Variants in WIPF3 observed in about 807,000 individuals in gnomAD.
The protein encoded by WIPF3 is WAS/WASL-interacting protein family member 3.
In WIPF3, 33 loss-of-function variants were observed where a neutral mutation model predicts 38.9. That is an observed-to-expected ratio of 0.85 (90% CI 0.64 to 1.14). The LOEUF (loss-of-function observed/expected upper bound fraction) is 1.14, where lower values mean the gene tolerates loss of function less well. WIPF3 is among the 50% of genes most tolerant of loss of function. The pLI is 0.00. For missense variants in WIPF3, 711 were observed against 652.5 expected, an observed-to-expected ratio of 1.09 and a Z score of -0.98; for synonymous variants, 324 against 269.3, an observed-to-expected ratio of 1.20 and a Z score of -1.99.
In WIPF3 at chr7:29,915,382, C is replaced by T. The variant is rs928444020; in HGVS notation, c.*866C>T. 2.0e-5 allele frequency: 3 copies of T among 152,178 alleles called. No individual in the cohort carries two copies. Among genetic ancestry groups the T allele is most frequent in the Non-Finnish European group, 4.4e-5 (3 of 68,028 alleles). 9.4% of individuals were successfully genotyped at this position (152,178 alleles called of 1,614,324 possible). A position where few individuals can be genotyped will look rare whatever the true frequency, so the allele number is the denominator to read the frequency against. On this transcript the variant is annotated 3_prime_UTR_variant, in exon 9 of 9. Transcript: ENST00000242140. ...CATTATGCTAAACTACCAGTTGTAT[C>T]TCAGAGGTCTCCCCTTCTGCCCTTG...
chr7:29,879,979 T>C (rs1785682801), intron 4 of WIPF3, among the ~76,000 whole-genome samples: 2 of 152,304 alleles, frequency 1.3e-5, no homozygotes, highest in South Asian at 4.1e-4. Flanking sequence ...CTTCGCCTCT[T>C]GATGAGAGGA....
At chr7:29,876,615 T>G (rs1188020898) in intron 3 of WIPF3, among the ~76,000 whole-genome samples, 1 of 152,258 alleles carries the variant, frequency 6.6e-6, no homozygotes, top group East Asian at 1.9e-4. Context: ...GTTTTGTGTA[T>G]TCTTTGTAGG....
chr7:29,813,858 T>C (rs991744526), intron 1 of WIPF3, among the ~76,000 whole-genome samples: 1 of 152,174 alleles, frequency 6.6e-6, no homozygotes, highest in Non-Finnish European at 1.5e-5. Flanking sequence ...CACTAATCTA[T>C]TTTTTATTTC....
At chr7:29,812,295 A>C (rs562588413) in intron 1 of WIPF3, among the ~76,000 whole-genome samples, 1 of 152,244 alleles carries the variant, frequency 6.6e-6, no homozygotes, top group South Asian at 2.1e-4. Flanking sequence ...GCACACACCC[A>C]AATCTGGCTT....
chr7:29,824,922 A>T (rs1489846726), intron 1 of WIPF3, among the ~76,000 whole-genome samples: 2 of 152,240 alleles, frequency 1.3e-5, no homozygotes, highest in Non-Finnish European at 2.9e-5. Flanking sequence ...AGGTTAAAGC[A>T]CTTAAACTAA....
intron 1 of WIPF3, among the ~76,000 whole-genome samples, chr7:29,808,952 T>A (rs1784330181): frequency 6.6e-6 from 1 of 152,254 alleles, no homozygotes; most frequent in South Asian, 2.1e-4. Flanking sequence ...GGCAGTCAAC[T>A]TTTTTACATT....
intron 4 of WIPF3, among the ~76,000 whole-genome samples, chr7:29,882,431 C>T (rs1785739266): frequency 6.6e-6 from 1 of 152,228 alleles, no homozygotes; most frequent in African/African-American, 2.4e-5. Flanking sequence ...ATACCATCCT[C>T]ACCCTACCTT....
At chr7:29,860,719 A>G (rs1333249410) in intron 2 of WIPF3, among the ~76,000 whole-genome samples, 1 of 152,226 alleles carries the variant, frequency 6.6e-6, no homozygotes, top group Non-Finnish European at 1.5e-5. Context: ...AGAAGTAAAG[A>G]GAGTGAACAC....
chr7:29,888,511 G>A (rs1785936196), intron 6 of WIPF3, among the ~76,000 whole-genome samples: 1 of 88,028 alleles, frequency 1.1e-5, no homozygotes, highest in Admixed American at 1.0e-4. Context: ...GTGTGTGTGC[G>A]TGTGTGTGTG....
chr7:29,845,971 A>G (rs185397052), intron 2 of WIPF3, among the ~76,000 whole-genome samples: 1 of 152,262 alleles, frequency 6.6e-6, no homozygotes, highest in Non-Finnish European at 1.5e-5. Flanking sequence ...GTTGTGTTGT[A>G]TGAGAACACC....
rs1785737645 is a variant in WIPF3, at chr7:29,882,344, T to C, written c.356-1506T>C. The stretch of plus-strand genomic sequence containing the variant: ...CTTGTTTAGGCAGCTGCCTAGGTTC[T>C]CCTCGTCATCTTTTTGTATTATATG... On this transcript the variant is annotated intron_variant, in intron 4 of 8. Transcript: ENST00000242140. 2.0e-5 allele frequency among the ~76,000 whole-genome samples: 3 copies of C among 152,256 alleles called. No individual in the cohort carries two copies. In the South Asian group the frequency reaches 6.2e-4, roughly 31 times the overall value.
Position 29,879,053 on chromosome 7 carries a change from C to G in WIPF3, c.268C>G (p.Arg90Gly), listed in dbSNP as rs745317475. ...AGAAGGAGGAGGTTCTGCAAACACA[C>G]GAGGCGCGAGCACACCTCCCACCCT... ...NKEGGGSANT[R>G]GASTPPTLGD... Residue 90 changes from arginine (R) to glycine (G), a missense_variant, in exon 4 of 9, where the codon CGA (arginine) becomes GGA (glycine). By Grantham distance (125) the Arg-to-Gly change is moderately radical. Coordinates refer to ENST00000242140, the MANE Select transcript of WIPF3 (RefSeq NM_001080529.3). The G allele has an allele frequency of 5.0e-6, 8 of 1,605,924 alleles. No homozygotes were observed. The highest frequency in any genetic ancestry group is 5.1e-6 in the Non-Finnish European group (6 of 1,175,696).
chr7:29,852,634 T>C (rs996482856), intron 2 of WIPF3, among the ~76,000 whole-genome samples: 8 of 152,230 alleles, frequency 5.3e-5, no homozygotes, highest in African/African-American at 1.9e-4. Flanking sequence ...CCTAGGGCTA[T>C]GCAACCTGCT....
At position 29,834,700 on chromosome 7, in the gene WIPF3, G is replaced by T; in HGVS notation, c.-25G>T. On this transcript the variant is annotated 5_prime_UTR_variant, in exon 2 of 9. Transcript: ENST00000242140. ...GCCACTCTCTTGGGACCATTCATAA[G>T]CAGGAGACATCAACACCGTGACACA... 1.4e-6 allele frequency: 2 copies of T among 1,475,582 alleles called. No homozygotes were observed. Among genetic ancestry groups the T allele is most frequent in the Non-Finnish European group, 1.8e-6 (2 of 1,114,892 alleles). The allele number at this position is 1,475,582 out of a possible 1,614,324, so 91.4% of individuals were successfully genotyped here.
At chr7:29,907,497 T>G (rs80147041) in intron 8 of WIPF3, among the ~76,000 whole-genome samples, 3,064 of 152,310 alleles carry the variant, frequency 0.02, 33 homozygotes, top group South Asian at 0.058. Flanking sequence ...AATGTTTGTG[T>G]CCCTCAAAGT....
At chr7:29,811,179 C>T (rs1784368804) in intron 1 of WIPF3, among the ~76,000 whole-genome samples, 1 of 152,064 alleles carries the variant, frequency 6.6e-6, no homozygotes, top group African/African-American at 2.4e-5. Flanking sequence ...ACATGATCTG[C>T]CTTGCCCAGC....
chr7:29,904,438 T>C lies in WIPF3; in HGVS notation c.1428+76T>C. 2.0e-6 allele frequency: 3 copies of C among 1,465,118 alleles called. No homozygotes were observed. The South Asian group carries it at 3.4e-5, about 17-fold the overall frequency. 90.8% of individuals were successfully genotyped at this position (1,465,118 alleles called of 1,614,324 possible). On this transcript the variant is annotated intron_variant, in intron 8 of 8. Transcript: ENST00000242140. ...AGGCACAGAAATGGTAAGGGTATGC[T>C]TTCTCCTAAACAGCTTTATATTTTT...
intron 2 of WIPF3, among the ~76,000 whole-genome samples, chr7:29,837,536 T>C (rs1239422264): frequency 1.3e-5 from 2 of 152,236 alleles, no homozygotes; most frequent in African/African-American, 2.4e-5. Context: ...AAAATAATTG[T>C]ACATTTGGTT....
intron 2 of WIPF3, among the ~76,000 whole-genome samples, chr7:29,865,259 T>G (rs1785365782): frequency 6.6e-6 from 1 of 152,106 alleles, no homozygotes; most frequent in Admixed American, 6.5e-5. Flanking sequence ...GTCTTGGGTG[T>G]CTTTAGGGGT....
Sources: allele counts gnomAD v4.1 joint callset (sites outside exome capture counted in the v4.1 genomes callset), GRCh38; gene constraint gnomAD v4.1.1; transcripts MANE v1.5; gene names NCBI Gene and HGNC (gene_info 2026-07-23, HGNC 2026-07-21).